The following NDC80 variants were observed in gnomAD, a reference collection of about 807,000 sequenced individuals.
NDC80 encodes the protein NDC80 kinetochore complex component.
NDC80 carries 69 observed loss-of-function variants against 89.3 expected under a neutral mutation model. That is an observed-to-expected ratio of 0.77 (90% CI 0.64 to 0.94). NDC80 has a LOEUF of 0.94. Among genes scored for constraint, NDC80 ranks in the 40% least tolerant of loss-of-function variants. NDC80 has a pLI of 0.00. For synonymous variants in NDC80, 243 were observed against 255.6 expected (o/e 0.95, Z 0.47); for missense variants, 593 against 739.6 (o/e 0.80, Z 2.30).
intron 1 of NDC80, among the ~76,000 whole-genome samples, chr18:2,572,213 T>A (rs1423615668): frequency 1.3e-5 from 2 of 152,042 alleles, no homozygotes; most frequent in African/African-American, 4.8e-5. Flanking sequence ...GACTAAGGAG[T>A]ACCCAGAGAA....
intron 6 of NDC80, among the ~76,000 whole-genome samples, chr18:2,584,392 C>T (rs570642324): frequency 1.3e-5 from 2 of 150,552 alleles, no homozygotes; most frequent in South Asian, 4.2e-4. Flanking sequence ...TTTATATCTA[C>T]ATTTTTATAT....
chr18:2,597,032 G>T (rs985833036), intron 11 of NDC80, among the ~76,000 whole-genome samples: 7 of 152,052 alleles, frequency 4.6e-5, no homozygotes, highest in Non-Finnish European at 8.8e-5. Context: ...GTTGTGGGGT[G>T]GGGGAGAGGG....
At chr18:2,572,752 G>A (rs919511745) in intron 1 of NDC80, among the ~76,000 whole-genome samples, 3 of 152,158 alleles carry the variant, frequency 2.0e-5, no homozygotes, top group African/African-American at 7.2e-5. Context: ...ATAGTGGGCA[G>A]TTAATAAATG....
intron 5 of NDC80, 122 bp from the exon 6 acceptor site, chr18:2,578,805 T>C: frequency 2.1e-6 from 1 of 467,206 alleles, no homozygotes; most frequent in Non-Finnish European, 3.6e-6. Flanking sequence ...ATATCTTACC[T>C]CTAAACAAGT....
intron 8 of NDC80, 64 bp downstream of exon 8, chr18:2,587,987 T>C: frequency 7.9e-7 from 1 of 1,267,502 alleles, no homozygotes; most frequent in Non-Finnish European, 1.1e-6. Context: ...GGAGTGGTAA[T>C]TTATTTACCA....
rs3033372 is a variant in NDC80, at chr18:2,607,965, GTATATATATATATA to G, written c.1558-714_1558-701del. 3.9e-3 allele frequency among the ~76,000 whole-genome samples: 263 copies of G among 68,142 alleles called. 5 individuals carry two copies. The highest frequency in any genetic ancestry group is 7.7e-3 in the African/African-American group (136 of 17,748). The allele number at this position is 68,142 out of a possible 152,430, so 44.7% of individuals were successfully genotyped here. On this transcript the variant is annotated intron_variant, in intron 14 of 16. Transcript: ENST00000261597. ...TGTTTTTATTTTACATATATACATA[GTATATATATATATA>G]TATATATATATATATATATAACTTA...
At chr18:2,615,128 T>G (rs1004567112) in intron 16 of NDC80, 4 of 152,232 alleles carry the variant, frequency 2.6e-5, no homozygotes, top group Non-Finnish European at 4.4e-5. Context: ...AGAGTACATT[T>G]CTGTTGTTTT....
chr18:2,602,431 G>A (rs1288291131), intron 13 of NDC80, among the ~76,000 whole-genome samples: 1 of 152,084 alleles, frequency 6.6e-6, no homozygotes, highest in African/African-American at 2.4e-5. Flanking sequence ...GTAATTCGCA[G>A]TTTCTAAAAT....
At chr18:2,601,268 G>C (rs2072682618) in intron 12 of NDC80, 128 bp from the exon 13 acceptor site, 1 of 385,368 alleles carries the variant, frequency 2.6e-6, no homozygotes, top group Non-Finnish European at 4.8e-6. Context: ...CAGTATATTA[G>C]ATTTAAAATG....
In NDC80 at chr18:2,578,055, A is replaced by C; in HGVS notation, c.390A>C (p.Thr130=). 6.2e-7 allele frequency: 1 copy of C among 1,614,136 alleles called. No individual in the cohort carries two copies. The highest frequency in any genetic ancestry group is 1.7e-5 in the Admixed American group (1 of 60,030). ...PSVKDFLKIF[T]FLYGFLCPSY... is the part of the protein sequence containing the mutation. ...TTAAAGACTTCCTGAAGATCTTCAC[A>C]TTTCTTTATGGCTTCCTGTGCCCCT... Residue 130 remains threonine (T), a synonymous_variant, in exon 5 of 17, where the codon ACA becomes ACC. Coordinates refer to ENST00000261597, the MANE Select transcript of NDC80 (RefSeq NM_006101.3).
rs1191293790 is a variant in NDC80, at chr18:2,589,865, T to C, written c.871-153T>C. ...TTTCTATTTCAAACTGACAGTGTAGTCCCCTTTTAGTTCTTTTGACTTCCT... is the reference window on the plus strand; with the variant it reads ...TTTCTATTTCAAACTGACAGTGTAGCCCCCTTTTAGTTCTTTTGACTTCCT... On this transcript the variant is annotated intron_variant, in intron 9 of 16. Transcript: ENST00000261597. 6.6e-5 allele frequency among the ~76,000 whole-genome samples: 10 copies of C among 151,736 alleles called. 1 individual carries two copies. Among genetic ancestry groups the C allele is most frequent in the African/African-American group, 2.4e-4 (10 of 41,346 alleles).
chr18:2,606,630 T>G (rs564096127), intron 14 of NDC80, 123 bp downstream of exon 14: 8 of 505,710 alleles, frequency 1.6e-5, no homozygotes, highest in Non-Finnish European at 2.6e-5. Flanking sequence ...ATTTGTATCT[T>G]GGGTTAGTTT....
At chr18:2,574,279 A>G (rs982309000) in intron 2 of NDC80, among the ~76,000 whole-genome samples, 2 of 152,310 alleles carry the variant, frequency 1.3e-5, no homozygotes, top group Non-Finnish European at 2.9e-5. Flanking sequence ...GCTAAATGGG[A>G]GGAATAAGTC....
chr18:2,609,195 T>G (rs1438112377), intron 15 of NDC80, among the ~76,000 whole-genome samples: 1 of 152,132 alleles, frequency 6.6e-6, no homozygotes. Flanking sequence ...TGAGCTCATG[T>G]TTTTATTTCC....
chr18:2,599,475 A>G (rs1451231659), intron 12 of NDC80, among the ~76,000 whole-genome samples: 3 of 152,226 alleles, frequency 2.0e-5, no homozygotes, highest in Non-Finnish European at 4.4e-5. Context: ...AGAAGTCTTT[A>G]CAAGTTATAG....
chr18:2,576,162 T>C (rs1399533578), intron 3 of NDC80, among the ~76,000 whole-genome samples: 1 of 152,198 alleles, frequency 6.6e-6, no homozygotes, highest in African/African-American at 2.4e-5. Context: ...TTTTACAGTC[T>C]AAAAGATTAA....
At chr18:2,611,544 C>A (rs897448986) in intron 16 of NDC80, among the ~76,000 whole-genome samples, 1 of 152,076 alleles carries the variant, frequency 6.6e-6, no homozygotes, top group Non-Finnish European at 1.5e-5. Context: ...TTATGATGAT[C>A]GTTATTCCTT....
At chr18:2,607,139 A>G (rs2072716244) in intron 14 of NDC80, among the ~76,000 whole-genome samples, 2 of 152,150 alleles carry the variant, frequency 1.3e-5, no homozygotes, top group Admixed American at 1.3e-4. Flanking sequence ...TGCCTGTGTT[A>G]TATTTAGGAC....
At chr18:2,582,157 A>G (rs890263605) in intron 6 of NDC80, 2 of 151,980 alleles carry the variant, frequency 1.3e-5, no homozygotes, top group African/African-American at 4.8e-5. Flanking sequence ...GCTCACTACA[A>G]TCTCCACCTC....
Sources: allele counts gnomAD v4.1 joint callset (sites outside exome capture counted in the v4.1 genomes callset), GRCh38; gene constraint gnomAD v4.1.1; transcripts MANE v1.5; gene names NCBI Gene and HGNC (gene_info 2026-07-23, HGNC 2026-07-21).